The following YARS1 variants were observed in gnomAD, a reference collection of about 807,000 sequenced individuals.
YARS1 encodes tyrosine--tRNA ligase, cytoplasmic.
YARS1 carries 36 observed loss-of-function variants against 62.2 expected under a neutral mutation model. The ratio of observed to expected loss-of-function variants is 0.58; its 90% CI spans 0.44 to 0.76. YARS1 has a LOEUF of 0.76. Ranked by LOEUF, YARS1 falls within the 30% of genes least tolerant of loss-of-function variation. The pLI, the probability that YARS1 is intolerant of heterozygous loss-of-function variation, is 0.00. For missense variants in YARS1, 524 were observed against 639.8 expected (o/e 0.82, Z 1.95); for synonymous variants, 234 against 244.9 (o/e 0.96, Z 0.42).
At position 32,776,185 on chromosome 1, in the gene YARS1, T is replaced by C. The variant is rs1442451073; in HGVS notation, c.1477-94A>G. The C allele has an allele frequency of 4.6e-6, 5 of 1,078,216 alleles. No individual in the cohort carries two copies. In the African/African-American group the frequency reaches 7.8e-5, roughly 17 times the overall value. The allele number at this position is 1,078,216 out of a possible 1,614,324, so 66.8% of individuals were successfully genotyped here. Reference sequence around the variant, plus strand: ...GAGGGGGGGCAGAGTTTTGCTCTTGTTGCCCAGGCTGGAGTGCAATGGCGT... The same window carrying C: ...GAGGGGGGGCAGAGTTTTGCTCTTGCTGCCCAGGCTGGAGTGCAATGGCGT... On this transcript the variant is annotated intron_variant, in intron 12 of 12. Coordinates refer to ENST00000373477, the MANE Select transcript of YARS1 (RefSeq NM_003680.4). This position sits in a 1 kb window ranked among gnomAD's most constrained non-coding sequence, Gnocchi z 4.0.
intron 7 of YARS1, 26 bp from the exon 8 acceptor site, chr1:32,786,473 C>T (rs2148603798): frequency 6.3e-7 from 1 of 1,592,612 alleles, no homozygotes; most frequent in East Asian, 2.2e-5. Flanking sequence ...TCCATGTCAA[C>T]AAACTCATTG....
chr1:32,785,795 G>C lies in YARS1; in HGVS notation c.906+567C>G, dbSNP rs563317766. 1.5e-3 allele frequency among the ~76,000 whole-genome samples: 230 copies of C among 151,884 alleles called. 1 individual carries two copies. The highest frequency in any genetic ancestry group is 5.3e-3 in the African/African-American group (219 of 41,426). On this transcript the variant is annotated intron_variant, in intron 8 of 12. Coordinates refer to ENST00000373477, the MANE Select transcript of YARS1 (RefSeq NM_003680.4). ...GATGGGGTTTCTCCGTGTTGGTCAG[G>C]CTGGTCTCGAACTCCTGACCTCAGG...
At chr1:32,791,091 G>A in intron 6 of YARS1, 71 bp downstream of exon 6, 1 of 1,385,968 alleles carries the variant, frequency 7.2e-7, no homozygotes, top group Non-Finnish European at 1.0e-6. Flanking sequence ...CCAGGTCACT[G>A]TTCTTTTCAG....
At chr1:32,790,977 G>A in intron 6 of YARS1, 185 bp downstream of exon 6, 1 of 626,330 alleles carries the variant, frequency 1.6e-6, no homozygotes, top group Admixed American at 2.7e-5. Flanking sequence ...GTTATGATTA[G>A]ATCTCATCAG....
intron 1 of YARS1, among the ~76,000 whole-genome samples, chr1:32,815,892 G>C (rs1638707751): frequency 6.6e-6 from 1 of 152,102 alleles, no homozygotes; most frequent in South Asian, 2.1e-4. Flanking sequence ...GGTGGATCAC[G>C]AGGTCAGGAG....
chr1:32,777,239 G>C (rs1009173027), intron 12 of YARS1, among the ~76,000 whole-genome samples: 1 of 151,906 alleles, frequency 6.6e-6, no homozygotes, highest in African/African-American at 2.4e-5. Flanking sequence ...ATGTTGGTCA[G>C]GCTGGTCTCG....
intron 12 of YARS1, among the ~76,000 whole-genome samples, chr1:32,778,966 C>G (rs71646397): frequency 0.045 from 6,843 of 151,650 alleles, 183 homozygotes; most frequent in African/African-American, 0.077. Flanking sequence ...TCTTGAACTC[C>G]TGACCTCAGG....
intron 9 of YARS1, 135 bp downstream of exon 9, chr1:32,782,269 G>A: frequency 6.3e-6 from 9 of 1,437,948 alleles, no homozygotes; most frequent in Non-Finnish European, 7.7e-6. Context: ...CATTCTAGGA[G>A]CCAGTAGGAC....
intron 12 of YARS1, among the ~76,000 whole-genome samples, chr1:32,778,653 C>T (rs997304403): frequency 7.9e-5 from 12 of 151,540 alleles, no homozygotes; most frequent in South Asian, 2.1e-4. Flanking sequence ...ATGATCCTCC[C>T]GTCTTGGCCT....
chr1:32,810,319 T>A (rs1423582848), intron 3 of YARS1, among the ~76,000 whole-genome samples: 1 of 152,200 alleles, frequency 6.6e-6, no homozygotes, highest in Non-Finnish European at 1.5e-5. Context: ...CACTCTCCCA[T>A]ATGCTGTGAG....
In YARS1 at chr1:32,806,717, G is replaced by A. The variant is rs1006596652; in HGVS notation, c.381-106C>T. 2.4e-5 allele frequency: 35 copies of A among 1,481,306 alleles called. No homozygotes were observed. The African/African-American group carries it at 4.3e-4, about 18-fold the overall frequency. The allele number at this position is 1,481,306 out of a possible 1,614,324, so 91.8% of individuals were successfully genotyped here. ...TACTTCCCTAACCTTAGTGTAACCA[G>A]GGATCTCGGTTTTAAAAATATATTT... On this transcript the variant is annotated intron_variant, in intron 3 of 12. Transcript: ENST00000373477.
chr1:32,805,088 C>T (rs1011719758), intron 4 of YARS1, among the ~76,000 whole-genome samples: 6 of 151,890 alleles, frequency 4.0e-5, no homozygotes, highest in African/African-American at 1.2e-4. Context: ...AAATTGCAGG[C>T]GTGGCGGCAC....
chr1:32,810,009 G>T (rs1262870933), intron 3 of YARS1, among the ~76,000 whole-genome samples: 1 of 151,994 alleles, frequency 6.6e-6, no homozygotes, highest in East Asian at 1.9e-4. Flanking sequence ...AGGAGGCTGA[G>T]GGAGGAGAAT....
intron 8 of YARS1, among the ~76,000 whole-genome samples, chr1:32,785,708 G>C (rs61798846): frequency 6.6e-6 from 1 of 151,206 alleles, no homozygotes; most frequent in Admixed American, 6.6e-5. Context: ...TCAGCCTCCC[G>C]AGTAGCTGGG....
At position 32,786,927 on chromosome 1, in the gene YARS1, C is replaced by CA; in HGVS notation, c.820+12dup. The CA allele has an allele frequency of 6.2e-7, 1 of 1,613,970 alleles. No individual in the cohort carries two copies. Among genetic ancestry groups the CA allele is most frequent in the Non-Finnish European group, 8.5e-7 (1 of 1,179,972 alleles). On this transcript the variant is annotated intron_variant, in intron 7 of 12. Transcript: ENST00000373477. ...TCTAGCCTGGCCTCTAGGAAGAAAA[C>CA]AGAGAGTGTTACCGGACTTAAGGGG...
At position 32,806,679 on chromosome 1, in the gene YARS1, A is replaced by C. The variant is rs1471505207; in HGVS notation, c.381-68T>G. ...AGGCCTCAGTTTCCTAGGAAATCTA[A>C]AGCACATTAATTTACTTCCCTAACC... On this transcript the variant is annotated intron_variant, in intron 3 of 12. Transcript: ENST00000373477. The C allele has an allele frequency of 8.7e-6, 14 of 1,608,184 alleles. No individual in the cohort carries two copies. In the East Asian group the frequency reaches 2.9e-4, roughly 33 times the overall value.
At chr1:32,778,243 T>C (rs1386585848) in intron 12 of YARS1, among the ~76,000 whole-genome samples, 2 of 152,184 alleles carry the variant, frequency 1.3e-5, no homozygotes, top group Non-Finnish European at 2.9e-5. Flanking sequence ...ACAGCTATAT[T>C]ATGGAATCGG....
At chr1:32,816,171 C>A (rs1456455656) in intron 1 of YARS1, among the ~76,000 whole-genome samples, 1 of 151,078 alleles carries the variant, frequency 6.6e-6, no homozygotes, top group Non-Finnish European at 1.5e-5. Flanking sequence ...ATACTAAAAC[C>A]CACTGAATTG....
At chr1:32,786,540 T>C in intron 7 of YARS1, 93 bp from the exon 8 acceptor site, 1 of 1,167,972 alleles carries the variant, frequency 8.6e-7, no homozygotes, top group Non-Finnish European at 1.3e-6. Context: ...TGACTATTTG[T>C]AGTTTTTGCC....
Sources: allele counts gnomAD v4.1 joint callset (sites outside exome capture counted in the v4.1 genomes callset), GRCh38; gene constraint gnomAD v4.1.1; non-coding constraint Gnocchi (gnomAD v3.1); transcripts MANE v1.5; gene names NCBI Gene and HGNC (gene_info 2026-07-23, HGNC 2026-07-21).